LGR5: variants seen among roughly 807,000 people sequenced by gnomAD.
LGR5 encodes the protein leucine-rich repeat-containing G protein-coupled receptor 5.
A neutral mutation model predicts 76.7 loss-of-function variants in LGR5; 54 were observed. The ratio of observed to expected loss-of-function variants is 0.70; its 90% CI spans 0.57 to 0.88. The LOEUF (loss-of-function observed/expected upper bound fraction) is 0.88. Among genes scored for constraint, LGR5 ranks in the 40% least tolerant of loss-of-function variants. The pLI, the probability that LGR5 is intolerant of heterozygous loss-of-function variation, is 0.00. For synonymous variants in LGR5, 406 were observed against 421.9 expected, an observed-to-expected ratio of 0.96 and a Z score of 0.46; for missense variants, 1,078 against 1,073.3, an observed-to-expected ratio of 1.00 and a Z score of -0.06.
At chr12:71,551,523 A>G (rs565413397) in intron 4 of LGR5, among the ~76,000 whole-genome samples, 1 of 152,268 alleles carries the variant, frequency 6.6e-6, no homozygotes, top group Admixed American at 6.5e-5. Flanking sequence ...GAAAATGCAA[A>G]TGTGTGCGTC....
At chr12:71,523,025 T>G (rs372445730) in intron 2 of LGR5, among the ~76,000 whole-genome samples, 1 of 152,230 alleles carries the variant, frequency 6.6e-6, no homozygotes, top group African/African-American at 2.4e-5. Context: ...TGTATTTTAA[T>G]TTTATTTCAT....
intron 7 of LGR5, among the ~76,000 whole-genome samples, chr12:71,560,886 T>A (rs1878024570): frequency 6.6e-6 from 1 of 152,210 alleles, no homozygotes; most frequent in South Asian, 2.1e-4. Flanking sequence ...TGAATCTTAT[T>A]TAATTCTAAA....
At chr12:71,523,437 G>A (rs1018399286) in intron 2 of LGR5, among the ~76,000 whole-genome samples, 1 of 151,862 alleles carries the variant, frequency 6.6e-6, no homozygotes, top group African/African-American at 2.4e-5. Context: ...GATTGCTTGA[G>A]CCTAGGAGTT....
At position 71,441,069 on chromosome 12, in the gene LGR5, A is replaced by T. The variant is rs1871744135; in HGVS notation, c.212+777A>T. ...GGGCTGAAGGCTGTTGGGCTGGTAA[A>T]CAGCGGCACCGACACCCAAAGGGAG... On this transcript the variant is annotated intron_variant, in intron 1 of 17. Coordinates refer to ENST00000266674, the MANE Select transcript of LGR5 (RefSeq NM_003667.4). 3.3e-5 allele frequency among the ~76,000 whole-genome samples: 5 copies of T among 152,142 alleles called. No homozygotes were observed. The South Asian group carries it at 1.0e-3, about 32-fold the overall frequency.
intron 4 of LGR5, among the ~76,000 whole-genome samples, chr12:71,539,030 A>G (rs1391391359): frequency 1.3e-5 from 2 of 152,226 alleles, no homozygotes; most frequent in Non-Finnish European, 2.9e-5. Context: ...GATAAAGTTA[A>G]GAGGCCACAT....
chr12:71,450,239 A>G (rs1279808483), intron 1 of LGR5, among the ~76,000 whole-genome samples: 2 of 152,216 alleles, frequency 1.3e-5, no homozygotes, highest in Non-Finnish European at 2.9e-5. Flanking sequence ...ACTCCCAGTT[A>G]CTTTTCCAGA....
At chr12:71,510,877 TG>T (rs1875119680) in intron 2 of LGR5, among the ~76,000 whole-genome samples, 1 of 151,534 alleles carries the variant, frequency 6.6e-6, no homozygotes, top group African/African-American at 2.4e-5. Flanking sequence ...AGGCCTTAGG[TG>T]GGAAGAACGT....
intron 1 of LGR5, among the ~76,000 whole-genome samples, chr12:71,480,855 G>T (rs1873567138): frequency 6.6e-6 from 1 of 152,104 alleles, no homozygotes; most frequent in African/African-American, 2.4e-5. Flanking sequence ...GTACATTAGG[G>T]CGTTAAGGCC....
chr12:71,459,251 C>T (rs1326370704), intron 1 of LGR5, among the ~76,000 whole-genome samples: 1 of 152,126 alleles, frequency 6.6e-6, no homozygotes, highest in Non-Finnish European at 1.5e-5. Flanking sequence ...TTCTGCCTTA[C>T]TGGCTTATAG....
chr12:71,463,498 CA>C (rs61022612), intron 1 of LGR5, among the ~76,000 whole-genome samples: 4,051 of 152,248 alleles, frequency 0.027, 181 homozygotes, highest in African/African-American at 0.092. Context: ...TAAAATGTGA[CA>C]GTGATAGTAC....
At chr12:71,548,221 T>C (rs1267930600) in intron 4 of LGR5, among the ~76,000 whole-genome samples, 1 of 152,140 alleles carries the variant, frequency 6.6e-6, no homozygotes, top group Non-Finnish European at 1.5e-5. Context: ...TCTCTGAAAA[T>C]GCCATCACTT....
At chr12:71,544,116 C>T (rs941196) in intron 4 of LGR5, among the ~76,000 whole-genome samples, 42,654 of 151,902 alleles carry the variant, frequency 0.28, 7,344 homozygotes, top group Non-Finnish European at 0.37. Context: ...TCCTCAAAGA[C>T]GCCAGAGAGA....
In LGR5 at chr12:71,520,545, G is replaced by A. The variant is rs560128344; in HGVS notation, c.285-3861G>A. On this transcript the variant is annotated intron_variant, in intron 2 of 17. Transcript: ENST00000266674. ...CAGAATACTACGCAGCCATAAAAAA[G>A]GATGAGTTTATGTCCTTTGCAGGGA... Among the ~76,000 whole-genome samples, 13 of 152,158 alleles carry A rather than the reference G, an allele frequency of 8.5e-5. No homozygotes were observed. In the South Asian group the frequency reaches 2.3e-3, roughly 27 times the overall value.
chr12:71,561,949 G>A (rs1271366528), intron 8 of LGR5, 97 bp downstream of exon 8: 4 of 757,072 alleles, frequency 5.3e-6, no homozygotes, highest in Non-Finnish European at 8.3e-6. Context: ...CCTGAGTTTT[G>A]TCTTAGTCAA....
At chr12:71,480,845 G>A (rs1484542466) in intron 1 of LGR5, among the ~76,000 whole-genome samples, 2 of 152,150 alleles carry the variant, frequency 1.3e-5, no homozygotes, top group African/African-American at 2.4e-5. Flanking sequence ...AAGTGTTACA[G>A]TACATTAGGG....
chr12:71,566,727 T>A lies in LGR5; in HGVS notation c.998+27T>A, dbSNP rs763925049. The A allele has an allele frequency of 2.2e-5, 35 of 1,598,352 alleles. No individual in the cohort carries two copies. The South Asian group carries it at 3.7e-4, about 17-fold the overall frequency. ...TAAGTACTGAGTAGACTCTTGACTT[T>A]GCCCAGAACATACACTGCCATTAGA... On this transcript the variant is annotated intron_variant, in intron 10 of 17. Transcript: ENST00000266674.
At chr12:71,494,000 G>T (rs2137284470) in intron 1 of LGR5, among the ~76,000 whole-genome samples, 1 of 146,488 alleles carries the variant, frequency 6.8e-6, no homozygotes, top group East Asian at 2.0e-4. Flanking sequence ...CTGGAGTGTA[G>T]TGGCGTGATC....
chr12:71,469,673 G>A (rs1565667288), intron 1 of LGR5, among the ~76,000 whole-genome samples: 1 of 152,212 alleles, frequency 6.6e-6, no homozygotes, highest in East Asian at 1.9e-4. Context: ...TGAAGGCTTA[G>A]AGCCGCTTCT....
chr12:71,490,975 G>A (rs1874042511), intron 1 of LGR5, among the ~76,000 whole-genome samples: 1 of 152,088 alleles, frequency 6.6e-6, no homozygotes. Flanking sequence ...GGGACCTGGT[G>A]GGAGGTAATT....
Sources: gnomAD v4.1 joint callset for allele counts (sites outside exome capture counted in the v4.1 genomes callset) on GRCh38, gnomAD v4.1.1 for gene constraint, MANE v1.5 for transcripts, NCBI Gene and HGNC (gene_info 2026-07-23, HGNC 2026-07-21) for gene names.